Variants in GNA12 observed in about 807,000 individuals in gnomAD.
The protein encoded by GNA12 is G protein subunit alpha 12.
In GNA12, 9 loss-of-function variants were observed where a neutral mutation model predicts 26.0. The observed-to-expected ratio is 0.35, with a 90% confidence interval of 0.21 to 0.60. GNA12 has a LOEUF of 0.60. GNA12 is among the 20% of genes least tolerant of loss of function. The probability of loss-of-function intolerance (pLI) is 0.78; values close to 1 mark genes in which losing one functional copy is unlikely to be tolerated. For synonymous variants in GNA12, 264 were observed against 219.6 expected, an observed-to-expected ratio of 1.20 and a Z score of -1.79; for missense variants, 405 against 525.8, an observed-to-expected ratio of 0.77 and a Z score of 2.25.
chr7:2,813,477 G>T (rs1471279226), intron 1 of GNA12, among the ~76,000 whole-genome samples: 1 of 152,172 alleles, frequency 6.6e-6, no homozygotes, highest in African/African-American at 2.4e-5. Flanking sequence ...GGACATCACT[G>T]AGTGATGCCA....
intron 2 of GNA12, among the ~76,000 whole-genome samples, chr7:2,758,480 G>C (rs1199765397): frequency 1.3e-5 from 2 of 152,128 alleles, no homozygotes; most frequent in South Asian, 2.1e-4. Context: ...CACGCCCTGT[G>C]CAATTTCTTC....
intron 2 of GNA12, among the ~76,000 whole-genome samples, chr7:2,782,480 T>C (rs1201032890): frequency 6.6e-6 from 1 of 152,198 alleles, no homozygotes; most frequent in Non-Finnish European, 1.5e-5. Flanking sequence ...AGCTCTCTTG[T>C]AGACACCACC....
chr7:2,832,061 A>T (rs895759222), intron 1 of GNA12, among the ~76,000 whole-genome samples: 2 of 152,122 alleles, frequency 1.3e-5, no homozygotes, highest in Non-Finnish European at 2.9e-5. Context: ...TGAGCATCAA[A>T]CTGTTTTGTC....
At chr7:2,791,099 G>A (rs1792506551) in intron 2 of GNA12, among the ~76,000 whole-genome samples, 1 of 152,112 alleles carries the variant, frequency 6.6e-6, no homozygotes, top group South Asian at 2.1e-4. Context: ...TAATGAGCAA[G>A]CTATATTTAA....
rs542617867 is a variant in GNA12, at chr7:2,835,402, G to C, written c.309+8451C>G. On this transcript the variant is annotated intron_variant, in intron 1 of 3. Transcript: ENST00000275364. Reference sequence around the variant, plus strand: ...GTTCCCCACACCCCCATTGATGTTGGCCCACGGGGGTTGCCGGTCCCTTTA... The same window carrying C: ...GTTCCCCACACCCCCATTGATGTTGCCCCACGGGGGTTGCCGGTCCCTTTA... Among the ~76,000 whole-genome samples the C allele has an allele frequency of 3.3e-5, 5 of 152,328 alleles. No individual in the cohort carries two copies. In the South Asian group the frequency reaches 1.0e-3, roughly 32 times the overall value.
intron 1 of GNA12, among the ~76,000 whole-genome samples, chr7:2,804,160 C>T (rs1045596519): frequency 2.0e-5 from 3 of 152,232 alleles, no homozygotes; most frequent in Non-Finnish European, 4.4e-5. Context: ...GGGGGAAAAG[C>T]TTGCACACAC....
chr7:2,842,824 C>G (rs1452449440), intron 1 of GNA12, among the ~76,000 whole-genome samples: 1 of 152,204 alleles, frequency 6.6e-6, no homozygotes, highest in Non-Finnish European at 1.5e-5. Context: ...CTTTTAGCCA[C>G]TCATATACAT....
intron 1 of GNA12, chr7:2,835,752 G>GA: frequency 2.7e-6 from 2 of 731,740 alleles, no homozygotes; most frequent in Non-Finnish European, 4.9e-6. Context: ...AAGTAAAACA[G>GA]AAACAACTCC....
chr7:2,839,054 G>T (rs533903206), intron 1 of GNA12, among the ~76,000 whole-genome samples: 5 of 152,124 alleles, frequency 3.3e-5, no homozygotes, highest in Non-Finnish European at 7.3e-5. Context: ...ACGAGCATAC[G>T]CGTTTATCAT....
chr7:2,826,536 C>G (rs1475532833), intron 1 of GNA12, among the ~76,000 whole-genome samples: 1 of 152,106 alleles, frequency 6.6e-6, no homozygotes, highest in Non-Finnish European at 1.5e-5. Flanking sequence ...TAGGAGTCAC[C>G]AAAATGTCCT....
intron 1 of GNA12, among the ~76,000 whole-genome samples, chr7:2,838,978 C>G (rs1778912499): frequency 6.6e-6 from 1 of 152,192 alleles, no homozygotes; most frequent in African/African-American, 2.4e-5. Flanking sequence ...ACTGAACAAT[C>G]AGCAAGCATA....
chr7:2,817,398 C>A (rs757339278), intron 1 of GNA12, among the ~76,000 whole-genome samples: 24 of 152,232 alleles, frequency 1.6e-4, no homozygotes, highest in African/African-American at 2.7e-4. Context: ...CAGGCATGAG[C>A]CACCACACCC....
chr7:2,790,093 G>C (rs1411650047), intron 2 of GNA12, among the ~76,000 whole-genome samples: 1 of 152,158 alleles, frequency 6.6e-6, no homozygotes. Context: ...CCCAGTCCCT[G>C]CCTGTGTCTG....
intron 1 of GNA12, among the ~76,000 whole-genome samples, chr7:2,810,165 A>G (rs924422661): frequency 6.6e-6 from 1 of 152,190 alleles, no homozygotes; most frequent in Non-Finnish European, 1.5e-5. Context: ...TGAACAGCAG[A>G]GATTTCTTTC....
At chr7:2,824,830 C>A (rs950401404) in intron 1 of GNA12, among the ~76,000 whole-genome samples, 1 of 152,160 alleles carries the variant, frequency 6.6e-6, no homozygotes, top group Non-Finnish European at 1.5e-5. Flanking sequence ...GGTGGCAGCA[C>A]AGCCATCACC....
chr7:2,758,943 C>T (rs1409585396), intron 2 of GNA12, among the ~76,000 whole-genome samples: 1 of 151,998 alleles, frequency 6.6e-6, no homozygotes, highest in Non-Finnish European at 1.5e-5. Context: ...GAGTTCGAGA[C>T]CAGCCTCCTG....
intron 2 of GNA12, among the ~76,000 whole-genome samples, chr7:2,759,514 A>G (rs749579935): frequency 2.0e-5 from 3 of 152,238 alleles, no homozygotes; most frequent in Non-Finnish European, 4.4e-5. Flanking sequence ...GGTGGTAAAA[A>G]GACAAGTAAA....
At chr7:2,805,464 C>T (rs1047053979) in intron 1 of GNA12, among the ~76,000 whole-genome samples, 2 of 152,090 alleles carry the variant, frequency 1.3e-5, no homozygotes, top group African/African-American at 4.8e-5. Context: ...AGTGCAGTGG[C>T]GCAATCAAAG....
chr7:2,775,676 G>A (rs1354677424), intron 2 of GNA12, among the ~76,000 whole-genome samples: 1 of 152,194 alleles, frequency 6.6e-6, no homozygotes, highest in Non-Finnish European at 1.5e-5. Context: ...CTTAGGAGAA[G>A]ATATCTGCCA....
Sources: gnomAD v4.1 joint callset for allele counts (sites outside exome capture counted in the v4.1 genomes callset) on GRCh38, gnomAD v4.1.1 for gene constraint, MANE v1.5 for transcripts, NCBI Gene and HGNC (gene_info 2026-07-23, HGNC 2026-07-21) for gene names.